Variants in SRGAP3 observed in about 807,000 individuals in gnomAD.
SRGAP3 encodes the protein SLIT-ROBO Rho GTPase-activating protein 3.
In SRGAP3, 39 loss-of-function variants were observed where a neutral mutation model predicts 121.1. The observed-to-expected ratio is 0.32, with a 90% CI of 0.25 to 0.42. The LOEUF (loss-of-function observed/expected upper bound fraction) is 0.42. SRGAP3 is among the 10% of genes least tolerant of loss of function. SRGAP3 has a pLI of 1.00. For synonymous variants in SRGAP3, 601 were observed against 570.0 expected, an observed-to-expected ratio of 1.05 and a Z score of -0.77; for missense variants, 1,213 against 1,470.6, an observed-to-expected ratio of 0.82 and a Z score of 2.86.
chr3:9,287,308 G>A (rs1278852121), intron 3 of SRGAP3, among the ~76,000 whole-genome samples: 2 of 152,048 alleles, frequency 1.3e-5, no homozygotes, highest in Non-Finnish European at 2.9e-5. Flanking sequence ...ACACTCTTTT[G>A]ATCCTCATTT....
In SRGAP3 at chr3:9,318,784, TGGG is replaced by T. The variant is rs560122300; in HGVS notation, n.442+7223_442+7225del. Among the ~76,000 whole-genome samples the T allele has an allele frequency of 8.2e-3, 1,236 of 150,672 alleles. 14 individuals carry two copies. Among genetic ancestry groups the T allele is most frequent in the African/African-American group, 0.028 (1,151 of 41,152 alleles). On this transcript the variant is annotated intron_variant and non_coding_transcript_variant, in intron 3 of 3. Transcript: ENST00000490889. ...GTTGTAGCTACTTAGGAGGCTGAGA[TGGG>T]GGGATCGCTTGAGCCTGGGAGGTCG...
chr3:9,102,196 C>T (rs1352208399), intron 3 of SRGAP3, among the ~76,000 whole-genome samples: 1 of 152,214 alleles, frequency 6.6e-6, no homozygotes, highest in East Asian at 1.9e-4. Context: ...TTAATAAGCA[C>T]CTACTGGATA....
Position 9,341,122 on chromosome 3 carries a change from T to A in SRGAP3, n.215-10526A>T, listed in dbSNP as rs541513057. Among the ~76,000 whole-genome samples, 31 of 152,302 alleles carry A rather than the reference T, an allele frequency of 2.0e-4. No individual in the cohort carries two copies. In the South Asian group the frequency reaches 6.4e-3, roughly 32 times the overall value. Reference sequence around the variant, plus strand: ...GAGTCCTATGTGATTAGGACACCACTCTTAATACCTCATATAACCCTAATT... The same window carrying A: ...GAGTCCTATGTGATTAGGACACCACACTTAATACCTCATATAACCCTAATT... On this transcript the variant is annotated intron_variant and non_coding_transcript_variant, in intron 1 of 3. Coordinates refer to the SRGAP3 transcript ENST00000490889.
intron 3 of SRGAP3, among the ~76,000 whole-genome samples, chr3:9,094,110 A>G (rs374889873): frequency 1.3e-4 from 20 of 152,312 alleles, no homozygotes; most frequent in African/African-American, 4.8e-4. Context: ...TTCCTCAATT[A>G]TAATTCTGAC....
At chr3:9,318,455 C>A (rs757226220) in intron 3 of SRGAP3, among the ~76,000 whole-genome samples, 2 of 151,922 alleles carry the variant, frequency 1.3e-5, no homozygotes, top group Non-Finnish European at 2.9e-5. Flanking sequence ...ACCTACCCCG[C>A]TTCTCTGCCC....
chr3:9,100,522 C>G (rs1346549278), intron 3 of SRGAP3, among the ~76,000 whole-genome samples: 2 of 152,154 alleles, frequency 1.3e-5, no homozygotes, highest in African/African-American at 4.8e-5. Context: ...TTGGCAGTTA[C>G]CCTCCTGCTG....
intron 4 of SRGAP3, among the ~76,000 whole-genome samples, chr3:9,068,994 C>T (rs1246719374): frequency 6.6e-6 from 1 of 152,212 alleles, no homozygotes; most frequent in South Asian, 2.1e-4. Context: ...ATCCTATGAT[C>T]CCTGCTTTAC....
intron 1 of SRGAP3, among the ~76,000 whole-genome samples, chr3:9,360,484 G>A (rs1029313428): frequency 6.6e-6 from 1 of 152,176 alleles, no homozygotes; most frequent in Non-Finnish European, 1.5e-5. Context: ...TTTGACGAAA[G>A]GCTAAATTGT....
intron 18 of SRGAP3, among the ~76,000 whole-genome samples, chr3:8,999,413 TC>T (rs1401292425): frequency 6.6e-6 from 1 of 152,192 alleles, no homozygotes; most frequent in Non-Finnish European, 1.5e-5. Flanking sequence ...CATTTATGCT[TC>T]TCTACCCATC....
At chr3:9,028,693 C>T (rs1452753933) in intron 12 of SRGAP3, among the ~76,000 whole-genome samples, 1 of 152,172 alleles carries the variant, frequency 6.6e-6, no homozygotes, top group East Asian at 1.9e-4. Context: ...TAGGTTTCCA[C>T]CTGATGCCAA....
chr3:9,351,666 T>C (rs1056273711), intron 1 of SRGAP3, among the ~76,000 whole-genome samples: 3 of 152,236 alleles, frequency 2.0e-5, no homozygotes, highest in African/African-American at 7.2e-5. Flanking sequence ...CTATTTTTCC[T>C]GTACCTTTTT....
chr3:9,299,051 CAAAAAAAAAAA>C (rs71049787), intron 3 of SRGAP3, among the ~76,000 whole-genome samples: 1 of 70,400 alleles, frequency 1.4e-5, no homozygotes, highest in African/African-American at 6.6e-5. Flanking sequence ...GACTCCATCT[CAAAAAAAAAAA>C]AAAAAAAAGA....
intron 3 of SRGAP3, among the ~76,000 whole-genome samples, chr3:9,307,120 G>T (rs1197071094): frequency 6.6e-6 from 1 of 152,134 alleles, no homozygotes; most frequent in Middle Eastern, 3.2e-3. Flanking sequence ...CTAGAGGCAC[G>T]TGCCATCACG....
chr3:9,047,262 GGT>G, intron 10 of SRGAP3, 127 bp downstream of exon 10: 1 of 922,916 alleles, frequency 1.1e-6, no homozygotes, highest in Non-Finnish European at 1.7e-6. Context: ...GCCCAGTCCT[GGT>G]AAGTCCAGGT....
intron 1 of SRGAP3, among the ~76,000 whole-genome samples, chr3:9,358,540 T>C (rs2030638343): frequency 6.6e-6 from 1 of 152,176 alleles, no homozygotes; most frequent in African/African-American, 2.4e-5. Flanking sequence ...AAGCAATCAG[T>C]TCTGCAGCGG....
At chr3:9,165,021 C>A (rs1369428105) in intron 1 of SRGAP3, among the ~76,000 whole-genome samples, 1 of 152,254 alleles carries the variant, frequency 6.6e-6, no homozygotes, top group Admixed American at 6.5e-5. Flanking sequence ...GGAGCCAGCA[C>A]CTGCCCTGTG....
At chr3:9,201,914 ACT>A (rs1232745240) in intron 1 of SRGAP3, among the ~76,000 whole-genome samples, 36 of 152,032 alleles carry the variant, frequency 2.4e-4, no homozygotes, top group Non-Finnish European at 4.3e-4. Context: ...CCTTACAACA[ACT>A]CTGTGCGTTG....
At chr3:9,208,936 A>C (rs1952352542) in intron 1 of SRGAP3, among the ~76,000 whole-genome samples, 1 of 152,250 alleles carries the variant, frequency 6.6e-6, no homozygotes, top group Non-Finnish European at 1.5e-5. Context: ...TATTATTACC[A>C]GCAAGGGGCC....
intron 1 of SRGAP3, among the ~76,000 whole-genome samples, chr3:9,240,625 G>A (rs1010155216): frequency 3.9e-5 from 6 of 152,168 alleles, no homozygotes; most frequent in African/African-American, 7.2e-5. Context: ...GAACCAAGCA[G>A]ATAAACCTTC....
Sources: gnomAD v4.1 joint callset for allele counts (sites outside exome capture counted in the v4.1 genomes callset) on GRCh38, gnomAD v4.1.1 for gene constraint, MANE v1.5 for transcripts, NCBI Gene and HGNC (gene_info 2026-07-23, HGNC 2026-07-21) for gene names.